IST1: variants seen among roughly 807,000 people sequenced by gnomAD.
IST1 encodes the protein IST1 factor associated with ESCRT-III, also known as IST1 homolog.
In IST1, 23 loss-of-function variants were observed where a neutral mutation model predicts 37.0. That is an observed-to-expected ratio of 0.62 (90% confidence interval 0.45 to 0.88). IST1 has a LOEUF of 0.88. IST1 is among the 40% of genes least tolerant of loss of function. The pLI is 0.00. For missense variants in IST1, 488 were observed against 445.4 expected (o/e 1.10, Z -0.86); for synonymous variants, 180 against 161.7 (o/e 1.11, Z -0.86).
chr16:71,909,289 G>A (rs1294592467), intron 1 of IST1, among the ~76,000 whole-genome samples: 2 of 151,906 alleles, frequency 1.3e-5, no homozygotes, highest in African/African-American at 4.8e-5. Context: ...TAAATATTCT[G>A]TAGAGAGGGT....
rs1448980314 is a variant in IST1 at position 71,895,608 on chromosome 16, G to A, written c.-16+19G>A. ...CGGTTAGGTGAGTGTGGCATCCTCG[G>A]CGTCAGAGGTCTCTGTCTTCCTCTT... On this transcript the variant is annotated intron_variant, in intron 1 of 9. Transcript: ENST00000378799. The A allele has an allele frequency of 2.1e-6, 2 of 948,842 alleles. No homozygotes were observed. Among genetic ancestry groups the A allele is most frequent in the Non-Finnish European group, 2.5e-6 (2 of 796,630 alleles). 58.8% of individuals were successfully genotyped at this position (948,842 alleles called of 1,614,324 possible). A position where few individuals can be genotyped will look rare whatever the true frequency, so the allele number is the denominator to read the frequency against.
Position 71,923,363 on chromosome 16 carries a change from C to T in IST1, c.835C>T (p.Pro279Ser), listed in dbSNP as rs770293545. Residue 279 changes from proline (P) to serine (S), a missense_variant, in exon 8 of 10, where the codon CCC (proline) becomes TCC (serine). Physicochemically the swap from Pro to Ser is moderately conservative, Grantham distance 74. Transcript: ENST00000378799. ...TCATCCACCTCAGATACCAGCAACT[C>T]CCCCATCGTATGAATCTGTAAGTGC... The part of the protein sequence containing the change: ...NIHPPQIPAT[P>S]PSYESVDDIN... The T allele has an allele frequency of 1.9e-6, 3 of 1,606,502 alleles. No individual in the cohort carries two copies. Among genetic ancestry groups the T allele is most frequent in the African/African-American group, 1.3e-5 (1 of 74,854 alleles).
chr16:71,927,739 A>G lies in IST1; in HGVS notation c.1027A>G (p.Ser343Gly). 6.2e-7 allele frequency: 1 copy of G among 1,613,940 alleles called. No homozygotes were observed. Residue 343 changes from serine to glycine, a missense_variant, in exon 10 of 10, where the codon AGC becomes GGC. Around this residue, in one of 2 missense-constraint regions of IST1, gnomAD observed 455 missense variants for 386.2 expected, o/e 1.18. Coordinates refer to ENST00000378799, the MANE Select transcript of IST1 (RefSeq NM_001270975.2). ...DTLPTASAGA[S>G]TSASEDIDFD... ...ACTACCAACTGCATCTGCTGGTGCC[A>G]GCACCTCAGCATCTGAAGACATTGA... is the stretch of plus-strand genomic sequence containing the variant.
At chr16:71,916,902 G>A (rs563726294) in intron 3 of IST1, 145 bp from the exon 4 acceptor site, 14 of 610,474 alleles carry the variant, frequency 2.3e-5, no homozygotes, top group South Asian at 1.3e-4. Context: ...ATAAGATCAC[G>A]AAAATGGCTA....
At chr16:71,910,439 T>C (rs922756014) in intron 1 of IST1, among the ~76,000 whole-genome samples, 2 of 151,936 alleles carry the variant, frequency 1.3e-5, no homozygotes, top group East Asian at 3.9e-4. Context: ...ACCCCGTCTC[T>C]ACTAAAAATA....
intron 1 of IST1, among the ~76,000 whole-genome samples, chr16:71,913,293 A>G (rs1029574230): frequency 2.7e-5 from 4 of 150,886 alleles, no homozygotes; most frequent in Non-Finnish European, 5.9e-5. Flanking sequence ...TTTTTTTGAT[A>G]GTAGCCATCC....
chr16:71,896,809 G>A (rs1194594936), intron 1 of IST1, among the ~76,000 whole-genome samples: 1 of 151,850 alleles, frequency 6.6e-6, no homozygotes, highest in Non-Finnish European at 1.5e-5. Flanking sequence ...GCAAAATCCC[G>A]TTCTCTACAA....
At position 71,927,782 on chromosome 16, in the gene IST1, G is replaced by A. The variant is rs2037785026; in HGVS notation, c.1070G>A (p.Arg357Gln). Residue 357 changes from arginine to glutamine, a missense_variant, in exon 10 of 10, where the codon CGG becomes CAG. Physicochemically the swap from Arg to Gln is conservative, Grantham distance 43. This residue lies in a region of IST1 where 455 missense variants were observed against 386.2 expected (regional missense o/e 1.18). Coordinates refer to ENST00000378799, the MANE Select transcript of IST1 (RefSeq NM_001270975.2). Reference protein sequence around the residue: ...SEDIDFDDLSRRFEELKKKT With the variant: ...SEDIDFDDLSQRFEELKKKT The stretch of plus-strand genomic sequence containing the variant: ...GACATTGACTTTGATGATCTTTCCC[G>A]GAGGTTTGAAGAGCTGAAAAAGAAA... The A allele has an allele frequency of 5.0e-6, 8 of 1,613,934 alleles. No individual in the cohort carries two copies. Among genetic ancestry groups the A allele is most frequent in the African/African-American group, 2.7e-5 (2 of 74,920 alleles).
intron 4 of IST1, 41 bp from the exon 5 acceptor site, chr16:71,920,698 G>T (rs370713837): frequency 7.1e-7 from 1 of 1,403,080 alleles, no homozygotes; most frequent in South Asian, 1.2e-5. Context: ...CAGTCCGTTG[G>T]AGTGGTCTCT....
At chr16:71,903,280 CTCT>C (rs2037148894) in intron 1 of IST1, 2 of 152,238 alleles carry the variant, frequency 1.3e-5, no homozygotes, top group South Asian at 4.1e-4. Context: ...TGAGCCTGGC[CTCT>C]TCTTTTCTAA....
chr16:71,917,512 A>T (rs990195254), intron 4 of IST1, among the ~76,000 whole-genome samples: 1 of 152,230 alleles, frequency 6.6e-6, no homozygotes, highest in African/African-American at 2.4e-5. Context: ...TGTATGAGCT[A>T]TGTAAGTGCT....
Position 71,929,605 on chromosome 16 carries a change from GT to G in IST1, c.*1798del, listed in dbSNP as rs756119291. On this transcript the variant is annotated 3_prime_UTR_variant, in exon 10 of 10. Transcript: ENST00000378799. Reference sequence around the variant, plus strand: ...TGTCGTGGCTGCTTGCTCAGATGAGGTTTTTTGGGGCCAACTGATTCCTAAC... The same window carrying G: ...TGTCGTGGCTGCTTGCTCAGATGAGGTTTTTGGGGCCAACTGATTCCTAAC... 1.9e-6 allele frequency: 3 copies of G among 1,551,714 alleles called. No individual in the cohort carries two copies. Among genetic ancestry groups the G allele is most frequent in the Non-Finnish European group, 2.6e-6 (3 of 1,147,018 alleles).
chr16:71,894,716 T>TTTTTTC, upstream of IST1: 1 of 557,206 alleles, frequency 1.8e-6, no homozygotes, highest in Non-Finnish European at 3.1e-6. Flanking sequence ...TTTTTTTTTT[T>TTTTTTC]GTAGCGATGC....
chr16:71,899,373 T>A (rs1381717009), intron 1 of IST1, among the ~76,000 whole-genome samples: 1 of 147,168 alleles, frequency 6.8e-6, no homozygotes, highest in Non-Finnish European at 1.5e-5. Context: ...AGCCCAAGAG[T>A]TGGGAGACCA....
intron 1 of IST1, among the ~76,000 whole-genome samples, chr16:71,897,804 G>C (rs188772193): frequency 1.7e-4 from 26 of 152,104 alleles, no homozygotes; most frequent in African/African-American, 6.0e-4. Flanking sequence ...AAATTAGCCA[G>C]GAGTGTTGGT....
rs1257639470 is a variant in IST1, at chr16:71,911,154, T to C, written c.-15-4472T>C. 3.3e-5 allele frequency among the ~76,000 whole-genome samples: 5 copies of C among 152,118 alleles called. No homozygotes were observed. In the East Asian group the frequency reaches 5.8e-4, roughly 18 times the overall value. On this transcript the variant is annotated intron_variant, in intron 1 of 9. Transcript: ENST00000378799. Reference sequence around the variant, plus strand: ...TACTTGGGAGGCTGAGGCAGGAGAATAGCTTAAACCCAGGAGGCAGAGGTT... The same window carrying C: ...TACTTGGGAGGCTGAGGCAGGAGAACAGCTTAAACCCAGGAGGCAGAGGTT...
intron 9 of IST1, among the ~76,000 whole-genome samples, chr16:71,925,249 G>C (rs1030832457): frequency 1.5e-4 from 23 of 151,200 alleles, no homozygotes; most frequent in Non-Finnish European, 1.3e-4. Context: ...TCCTGACCTT[G>C]TGAGATCCGC....
rs1362791003 is a variant in IST1 at position 71,929,499 on chromosome 16, T to TA, written c.*1687dup. ...TATGCCATGCAAAGATAAGTAGTAA[T>TA]ACGCTAATAAATACTAAGCCAAGTA... On this transcript the variant is annotated 3_prime_UTR_variant, in exon 10 of 10. Coordinates refer to ENST00000378799, the MANE Select transcript of IST1 (RefSeq NM_001270975.2). 1 of 1,512,150 alleles carries TA rather than the reference T, an allele frequency of 6.6e-7. No homozygotes were observed. The highest frequency in any genetic ancestry group is 1.3e-5 in the South Asian group (1 of 78,400). The allele number at this position is 1,512,150 out of a possible 1,614,324, so 93.7% of individuals were successfully genotyped here.
At chr16:71,919,817 CT>C (rs1025414420) in intron 4 of IST1, among the ~76,000 whole-genome samples, 1 of 152,184 alleles carries the variant, frequency 6.6e-6, no homozygotes, top group Non-Finnish European at 1.5e-5. Flanking sequence ...CTTGGTATCA[CT>C]TACTGTAGTT....
Sources: allele counts gnomAD v4.1 joint callset (sites outside exome capture counted in the v4.1 genomes callset), GRCh38; gene constraint gnomAD v4.1.1; regional missense constraint gnomAD v4.1.1; transcripts MANE v1.5; gene names NCBI Gene and HGNC (gene_info 2026-07-23, HGNC 2026-07-21).